Variants in XXYLT1 observed in about 807,000 individuals in gnomAD.
XXYLT1 encodes xyloside xylosyltransferase 1, also known as UDP-xylose:alpha-xyloside alpha-1,3-xylosyltransferase.
XXYLT1 carries 20 observed loss-of-function variants against 28.9 expected under a neutral mutation model. That is an observed-to-expected ratio of 0.69 (90% CI 0.49 to 1.00). The LOEUF is 1.00. Ranked by LOEUF, XXYLT1 falls within the 50% of genes least tolerant of loss-of-function variation. The pLI is 0.00. For synonymous variants in XXYLT1, 257 were observed against 253.8 expected, an observed-to-expected ratio of 1.01 and a Z score of -0.12; for missense variants, 542 against 560.1, an observed-to-expected ratio of 0.97 and a Z score of 0.33.
chr3:195,072,195 G>A (rs1053007397), intron 3 of XXYLT1, among the ~76,000 whole-genome samples: 3 of 152,010 alleles, frequency 2.0e-5, no homozygotes, highest in Admixed American at 2.0e-4. Context: ...TCGACACCGG[G>A]TGGAAGCAGG....
intron 3 of XXYLT1, among the ~76,000 whole-genome samples, chr3:195,099,346 CCA>C (rs1190617217): frequency 6.6e-6 from 1 of 152,164 alleles, no homozygotes; most frequent in South Asian, 2.1e-4. Context: ...GGCATCATGA[CCA>C]CAGAGAGACA....
intron 2 of XXYLT1, among the ~76,000 whole-genome samples, chr3:195,193,370 A>C (rs2108754629): frequency 6.6e-6 from 1 of 151,876 alleles, no homozygotes; most frequent in African/African-American, 2.4e-5. Context: ...CGCATACTAA[A>C]AACTGCAAAA....
intron 2 of XXYLT1, among the ~76,000 whole-genome samples, chr3:195,165,639 T>C (rs930546952): frequency 2.0e-5 from 3 of 152,208 alleles, no homozygotes; most frequent in Non-Finnish European, 1.5e-5. Flanking sequence ...CTGTGACAGT[T>C]TGCAAACTGA....
intron 2 of XXYLT1, among the ~76,000 whole-genome samples, chr3:195,163,901 G>C (rs544991752): frequency 1.3e-5 from 2 of 152,376 alleles, no homozygotes; most frequent in South Asian, 4.1e-4. Context: ...GGACCAAAGA[G>C]AAAAGACACC....
intron 2 of XXYLT1, among the ~76,000 whole-genome samples, chr3:195,204,725 TA>T (rs1278542333): frequency 1.3e-5 from 2 of 152,166 alleles, no homozygotes; most frequent in African/African-American, 2.4e-5. Flanking sequence ...CGAACTTCAT[TA>T]ACACGCTTGA....
chr3:195,269,171 G>A (rs887155103), intron 1 of XXYLT1, among the ~76,000 whole-genome samples: 1 of 152,236 alleles, frequency 6.6e-6, no homozygotes, highest in Non-Finnish European at 1.5e-5. Context: ...AGGCCCAGAA[G>A]AGATGACAAT....
chr3:195,205,168 C>T (rs570083392), intron 2 of XXYLT1, among the ~76,000 whole-genome samples: 9 of 152,340 alleles, frequency 5.9e-5, no homozygotes, highest in African/African-American at 1.7e-4. Context: ...AAAGACCCAG[C>T]TACTGTACTT....
At chr3:195,224,828 G>A (rs555652376) in intron 2 of XXYLT1, among the ~76,000 whole-genome samples, 97 of 152,354 alleles carry the variant, frequency 6.4e-4, no homozygotes, top group Middle Eastern at 6.8e-3. Flanking sequence ...CATTTCACAG[G>A]TGGGGAAACT....
chr3:195,238,492 T>C (rs1577183869), intron 1 of XXYLT1, among the ~76,000 whole-genome samples: 1 of 152,220 alleles, frequency 6.6e-6, no homozygotes, highest in Admixed American at 6.5e-5. Flanking sequence ...GTGCCCTGTA[T>C]CCAGCCACTG....
intron 3 of XXYLT1, among the ~76,000 whole-genome samples, chr3:195,136,752 A>C (rs1719222482): frequency 6.6e-6 from 1 of 152,210 alleles, no homozygotes; most frequent in African/African-American, 2.4e-5. Flanking sequence ...CACAGGACGC[A>C]GGGAGCTGCC....
intron 1 of XXYLT1, among the ~76,000 whole-genome samples, chr3:195,262,918 T>C (rs1235967967): frequency 2.6e-5 from 4 of 152,250 alleles, no homozygotes; most frequent in Non-Finnish European, 5.9e-5. Flanking sequence ...CCATATAAAA[T>C]GTCGGCCTAT....
chr3:195,253,790 C>T (rs1476532796), intron 1 of XXYLT1, among the ~76,000 whole-genome samples: 6 of 152,180 alleles, frequency 3.9e-5, no homozygotes, highest in East Asian at 1.9e-4. Flanking sequence ...TGAGCCACCG[C>T]GCCCGGCCTG....
At chr3:195,084,655 G>A (rs1715623493) in intron 3 of XXYLT1, among the ~76,000 whole-genome samples, 1 of 152,154 alleles carries the variant, frequency 6.6e-6, no homozygotes, top group Non-Finnish European at 1.5e-5. Context: ...TTCTTCACTT[G>A]CTGTATTTTA....
intron 1 of XXYLT1, among the ~76,000 whole-genome samples, chr3:195,238,157 CG>C (rs1724632985): frequency 6.6e-6 from 1 of 152,312 alleles, no homozygotes; most frequent in East Asian, 1.9e-4. Context: ...CCGACCTCCC[CG>C]CCTCGTGTGA....
At chr3:195,174,575 T>C (rs1453625743) in intron 2 of XXYLT1, among the ~76,000 whole-genome samples, 1 of 152,034 alleles carries the variant, frequency 6.6e-6, no homozygotes, top group Non-Finnish European at 1.5e-5. Flanking sequence ...TGGGCTCAAG[T>C]GATCCTCCTG....
At chr3:195,263,205 A>G (rs1216851173) in intron 1 of XXYLT1, among the ~76,000 whole-genome samples, 3 of 152,240 alleles carry the variant, frequency 2.0e-5, no homozygotes, top group Admixed American at 6.5e-5. Context: ...GCACTCAAAG[A>G]AACTCTGAGA....
In XXYLT1 at chr3:195,068,354, A is replaced by G. The variant is rs1000653954; in HGVS notation, c.*1361T>C. The G allele has an allele frequency of 2.0e-5, 3 of 147,760 alleles. No individual in the cohort carries two copies. The highest frequency in any genetic ancestry group is 7.4e-5 in the African/African-American group (3 of 40,436). The allele number at this position is 147,760 out of a possible 1,614,324, so 9.2% of individuals were successfully genotyped here. A position where few individuals can be genotyped will look rare whatever the true frequency, so the allele number is the denominator to read the frequency against. On this transcript the variant is annotated 3_prime_UTR_variant, in exon 4 of 4. Coordinates refer to ENST00000310380, the MANE Select transcript of XXYLT1 (RefSeq NM_152531.5). Reference sequence around the variant, plus strand: ...AAAACGTAAATGAAATCAAAACAAAACAAGATGAAAATTGATACAAATGGA... The same window carrying G: ...AAAACGTAAATGAAATCAAAACAAAGCAAGATGAAAATTGATACAAATGGA...
chr3:195,208,037 G>A (rs1474773066), intron 2 of XXYLT1, among the ~76,000 whole-genome samples: 1 of 152,144 alleles, frequency 6.6e-6, no homozygotes, highest in East Asian at 1.9e-4. Flanking sequence ...CATCACTTTT[G>A]CCAGATTCTA....
chr3:195,194,026 G>A (rs946295962), intron 2 of XXYLT1, among the ~76,000 whole-genome samples: 8 of 151,814 alleles, frequency 5.3e-5, no homozygotes, highest in African/African-American at 1.9e-4. Context: ...GACACAAAAA[G>A]CCCTATCCAT....
Sources: allele counts gnomAD v4.1 joint callset (sites outside exome capture counted in the v4.1 genomes callset), GRCh38; gene constraint gnomAD v4.1.1; transcripts MANE v1.5; gene names NCBI Gene and HGNC (gene_info 2026-07-23, HGNC 2026-07-21).